The following CCDC102B variants were observed in gnomAD, a reference collection of about 807,000 sequenced individuals.
CCDC102B encodes the protein coiled-coil domain-containing protein 102B.
A neutral mutation model predicts 57.4 loss-of-function variants in CCDC102B; 75 were observed. The ratio of observed to expected loss-of-function variants is 1.31; its 90% CI spans 1.08 to 1.58. The LOEUF is 1.58. Among genes scored for constraint, CCDC102B ranks in the 40% most tolerant of loss-of-function variants. The pLI is 0.00. For missense variants in CCDC102B, 636 were observed against 582.6 expected, an observed-to-expected ratio of 1.09 and a Z score of -0.94; for synonymous variants, 206 against 201.9, an observed-to-expected ratio of 1.02 and a Z score of -0.17.
downstream of CCDC102B, among the ~76,000 whole-genome samples, chr18:69,056,958 T>G (rs1426321927): frequency 6.6e-6 from 1 of 152,040 alleles, no homozygotes; most frequent in Non-Finnish European, 1.5e-5. Context: ...TTTAGATACC[T>G]CATATAAATG....
chr18:69,032,871 T>A (rs1044445726), intron 7 of CCDC102B, among the ~76,000 whole-genome samples: 3 of 152,122 alleles, frequency 2.0e-5, no homozygotes, highest in Non-Finnish European at 4.4e-5. Context: ...GAAGCTGGCT[T>A]AATTTATTTA....
intron 6 of CCDC102B, among the ~76,000 whole-genome samples, chr18:68,947,193 G>A (rs2049564207): frequency 6.6e-6 from 1 of 151,794 alleles, no homozygotes; most frequent in Non-Finnish European, 1.5e-5. Context: ...CCCACCAAGA[G>A]ATAGAGGGGC....
intron 6 of CCDC102B, among the ~76,000 whole-genome samples, chr18:68,969,758 T>C (rs1305904303): frequency 6.6e-6 from 1 of 152,170 alleles, no homozygotes; most frequent in East Asian, 1.9e-4. Flanking sequence ...TTTTTAACTA[T>C]GATCATGTTT....
intron 1 of CCDC102B, among the ~76,000 whole-genome samples, chr18:68,798,612 C>T (rs1276628153): frequency 1.3e-5 from 2 of 152,084 alleles, no homozygotes; most frequent in African/African-American, 2.4e-5. Flanking sequence ...CCTATCTATG[C>T]CTCATGTACC....
At chr18:68,844,322 A>G (rs192578446) in intron 3 of CCDC102B, among the ~76,000 whole-genome samples, 132 of 151,376 alleles carry the variant, frequency 8.7e-4, no homozygotes, top group Middle Eastern at 3.5e-3. Flanking sequence ...CTCAAAATTA[A>G]TTTTAAGGAG....
chr18:68,874,421 ATT>A (rs2039362496), intron 4 of CCDC102B, among the ~76,000 whole-genome samples: 1 of 151,554 alleles, frequency 6.6e-6, no homozygotes, highest in African/African-American at 2.4e-5. Context: ...AGTTATGCCT[ATT>A]TTTCAACTGA....
intron 6 of CCDC102B, among the ~76,000 whole-genome samples, chr18:68,980,176 C>T (rs2050540716): frequency 2.0e-5 from 3 of 151,712 alleles, no homozygotes; most frequent in African/African-American, 7.3e-5. Context: ...GGGAGTAGAA[C>T]CCTTGTGAGT....
intron 6 of CCDC102B, among the ~76,000 whole-genome samples, chr18:68,970,183 A>C (rs1265424620): frequency 2.6e-5 from 4 of 152,044 alleles, no homozygotes; most frequent in African/African-American, 9.6e-5. Flanking sequence ...CAAATAGTAA[A>C]CAGATAAAAT....
At chr18:68,864,304 G>A (rs980851424) in intron 4 of CCDC102B, among the ~76,000 whole-genome samples, 2 of 151,616 alleles carry the variant, frequency 1.3e-5, no homozygotes, top group Non-Finnish European at 3.0e-5. Flanking sequence ...TTTCAATATA[G>A]AAGAGACAGA....
At chr18:68,752,123 G>A (rs1460414137) in intron 2 of CCDC102B, among the ~76,000 whole-genome samples, 1 of 152,030 alleles carries the variant, frequency 6.6e-6, no homozygotes, top group Non-Finnish European at 1.5e-5. Context: ...AGCCAACTGT[G>A]GTGGTGCATG....
chr18:68,914,974 G>GGACA lies in CCDC102B; in HGVS notation c.1263+17548_1263+17549insCAGA, dbSNP rs1568328412. ...ATTTTTGATTTAGGCACTACTGGGG[G>GGACA]GAGAGAGAGAGAGAGAGAGAGACAG... On this transcript the variant is annotated intron_variant, in intron 6 of 7. Transcript: ENST00000360242. Among the ~76,000 whole-genome samples, 7 of 147,546 alleles carry GGACA rather than the reference G, an allele frequency of 4.7e-5. No homozygotes were observed. In the South Asian group the frequency reaches 1.5e-3, roughly 32 times the overall value.
At chr18:68,939,846 T>C in intron 6 of CCDC102B, among the ~76,000 whole-genome samples, 1 of 151,776 alleles carries the variant, frequency 6.6e-6, no homozygotes, top group Non-Finnish European at 1.5e-5. Flanking sequence ...AGTGGCACTA[T>C]TAGATAATTC....
chr18:68,967,626 A>G (rs1319772639), intron 6 of CCDC102B, among the ~76,000 whole-genome samples: 8 of 152,158 alleles, frequency 5.3e-5, no homozygotes, highest in Non-Finnish European at 8.8e-5. Context: ...GATATTCCAT[A>G]ACCTCAAGAA....
intron 2 of CCDC102B, among the ~76,000 whole-genome samples, chr18:68,775,579 G>A (rs2034783165): frequency 6.6e-6 from 1 of 151,214 alleles, no homozygotes; most frequent in South Asian, 2.1e-4. Flanking sequence ...AGGAAATGCT[G>A]GTATTTCCAT....
chr18:68,816,632 A>G lies in CCDC102B; in HGVS notation c.-16+18451A>G, dbSNP rs372947250. 2.5e-4 allele frequency among the ~76,000 whole-genome samples: 38 copies of G among 151,856 alleles called. No individual in the cohort carries two copies. The East Asian group carries it at 2.7e-3, about 11-fold the overall frequency. On this transcript the variant is annotated intron_variant, in intron 1 of 7. Transcript: ENST00000360242. ...AGGCGCCCGCCACCATGCCTGGCTA[A>G]TTTTTCTATTTTTAGTACAGACGGG...
chr18:68,905,089 G>T (rs10871636), intron 6 of CCDC102B, among the ~76,000 whole-genome samples: 2 of 150,386 alleles, frequency 1.3e-5, no homozygotes, highest in Non-Finnish European at 3.0e-5. Flanking sequence ...CAAATATAAG[G>T]TTATTGGAAG....
At chr18:68,782,412 T>A (rs1232377987) in intron 2 of CCDC102B, among the ~76,000 whole-genome samples, 3 of 152,134 alleles carry the variant, frequency 2.0e-5, no homozygotes, top group Non-Finnish European at 4.4e-5. Context: ...TCCTCTTCTC[T>A]CTCAAAGGTT....
chr18:68,841,437 T>C (rs77157489), intron 3 of CCDC102B, among the ~76,000 whole-genome samples: 2,482 of 152,292 alleles, frequency 0.016, 70 homozygotes, highest in African/African-American at 0.056. Context: ...TACTGAGAAT[T>C]TATATATTTC....
chr18:68,926,283 AAATAT>A (rs1181121719), intron 6 of CCDC102B, among the ~76,000 whole-genome samples: 7 of 151,926 alleles, frequency 4.6e-5, no homozygotes, highest in African/African-American at 1.7e-4. Context: ...TAGTTTAATC[AAATAT>A]AATCTCAATA....
Sources: gnomAD v4.1 joint callset for allele counts (sites outside exome capture counted in the v4.1 genomes callset) on GRCh38, gnomAD v4.1.1 for gene constraint, MANE v1.5 for transcripts, NCBI Gene and HGNC (gene_info 2026-07-23, HGNC 2026-07-21) for gene names.